PLCB4: variants seen among roughly 807,000 people sequenced by gnomAD.
PLCB4 encodes the protein phospholipase C beta 4.
A neutral mutation model predicts 178.8 loss-of-function variants in PLCB4; 77 were observed. The ratio of observed to expected loss-of-function variants is 0.43; its 90% CI spans 0.36 to 0.52. The LOEUF (loss-of-function observed/expected upper bound fraction) is 0.52. Ranked by LOEUF, PLCB4 falls within the 20% of genes least tolerant of loss-of-function variation. PLCB4 has a pLI of 0.00. For synonymous variants in PLCB4, 496 were observed against 490.8 expected, an observed-to-expected ratio of 1.01 and a Z score of -0.14; for missense variants, 1,024 against 1,453.4, an observed-to-expected ratio of 0.70 and a Z score of 4.80.
At position 9,086,376 on chromosome 20, in the gene PLCB4, G is replaced by A. The variant is rs77311924; in HGVS notation, c.-134-9911G>A. ...GGACTCTCCTTTGGGAGGAAGTTTAGCAAAATGGTTGTGAGCGTGTATGAT... is the reference window on the plus strand; with the variant it reads ...GGACTCTCCTTTGGGAGGAAGTTTAACAAAATGGTTGTGAGCGTGTATGAT... On this transcript the variant is annotated intron_variant, in intron 1 of 39. Coordinates refer to ENST00000378473, the MANE Select transcript of PLCB4 (RefSeq NM_001377142.1). Among the ~76,000 whole-genome samples, 427 of 152,172 alleles carry A rather than the reference G, an allele frequency of 2.8e-3. 1 individual carries two copies. The highest frequency in any genetic ancestry group is 9.2e-3 in the African/African-American group (383 of 41,524).
chr20:9,199,402 T>C (rs1468392782), intron 2 of PLCB4, among the ~76,000 whole-genome samples: 1 of 152,232 alleles, frequency 6.6e-6, no homozygotes, highest in East Asian at 1.9e-4. Context: ...CCATGTTAGA[T>C]AACTTTGAGA....
intron 3 of PLCB4, among the ~76,000 whole-genome samples, chr20:9,275,706 G>T (rs1179233465): frequency 6.6e-6 from 1 of 152,040 alleles, no homozygotes; most frequent in African/African-American, 2.4e-5. Flanking sequence ...ATGGCCCATG[G>T]ACCAGCAGCA....
chr20:9,443,546 C>A (rs887549395), intron 30 of PLCB4, among the ~76,000 whole-genome samples: 1 of 152,144 alleles, frequency 6.6e-6, no homozygotes, highest in African/African-American at 2.4e-5. Context: ...CTGATTGATC[C>A]AGGGTTACAA....
chr20:9,090,834 A>G (rs2090648273), intron 1 of PLCB4, among the ~76,000 whole-genome samples: 1 of 152,228 alleles, frequency 6.6e-6, no homozygotes, highest in South Asian at 2.1e-4. Flanking sequence ...TTTACTGGAT[A>G]AATATTTTCA....
chr20:9,450,475 A>C (rs1236095014), intron 32 of PLCB4, among the ~76,000 whole-genome samples: 1 of 152,158 alleles, frequency 6.6e-6, no homozygotes, highest in South Asian at 2.1e-4. Context: ...TAAAAAGAGA[A>C]ACAGAGACAA....
chr20:9,115,213 A>G (rs1021269498), intron 2 of PLCB4, among the ~76,000 whole-genome samples: 1 of 152,100 alleles, frequency 6.6e-6, no homozygotes, highest in African/African-American at 2.4e-5. Flanking sequence ...TTTTCCATAA[A>G]TCTTACGTTA....
chr20:9,152,944 C>A (rs1397927154), intron 2 of PLCB4, among the ~76,000 whole-genome samples: 1 of 152,146 alleles, frequency 6.6e-6, no homozygotes, highest in Admixed American at 6.5e-5. Context: ...GGGTGTGAGA[C>A]CTGGAGTCAA....
intron 3 of PLCB4, among the ~76,000 whole-genome samples, chr20:9,218,210 A>T (rs879652446): frequency 2.0e-5 from 3 of 152,162 alleles, no homozygotes; most frequent in Admixed American, 6.5e-5. Flanking sequence ...TCCTGGGTTC[A>T]AGCGATTCTC....
intron 7 of PLCB4, among the ~76,000 whole-genome samples, chr20:9,345,432 TG>T (rs1412813452): frequency 6.6e-6 from 1 of 152,198 alleles, no homozygotes; most frequent in Admixed American, 6.5e-5. Context: ...GGAAGGATTT[TG>T]GTGTCTAGCA....
At chr20:9,425,708 T>C (rs1403325192) in intron 28 of PLCB4, among the ~76,000 whole-genome samples, 3 of 152,256 alleles carry the variant, frequency 2.0e-5, no homozygotes, top group Non-Finnish European at 4.4e-5. Flanking sequence ...TTGAAATTTC[T>C]ATGTACCATT....
At chr20:9,389,064 T>A (rs1038276955) in intron 15 of PLCB4, among the ~76,000 whole-genome samples, 2 of 152,152 alleles carry the variant, frequency 1.3e-5, no homozygotes, top group Non-Finnish European at 2.9e-5. Flanking sequence ...ATTTGGGGAT[T>A]TTTACCAAAT....
chr20:9,414,600 A>T (rs761058963), intron 25 of PLCB4, among the ~76,000 whole-genome samples: 12 of 152,188 alleles, frequency 7.9e-5, no homozygotes, highest in Non-Finnish European at 1.6e-4. Context: ...AAGTACACAA[A>T]CACCCCCAGG....
intron 4 of PLCB4, among the ~76,000 whole-genome samples, chr20:9,325,707 A>G (rs2030399303): frequency 6.6e-6 from 1 of 152,224 alleles, no homozygotes; most frequent in African/African-American, 2.4e-5. Context: ...TAGTGACCAT[A>G]AAGTCAATCG....
chr20:9,473,254 ATTTT>A (rs3037097), intron 37 of PLCB4, 21 bp from the exon 38 acceptor site: 5,551 of 1,187,680 alleles, frequency 4.7e-3, no homozygotes, highest in East Asian at 9.2e-3. Flanking sequence ...TTCAATCAGA[ATTTT>A]TTTTTTTTTT....
chr20:9,088,929 A>G (rs1288067487), intron 1 of PLCB4, among the ~76,000 whole-genome samples: 1 of 152,072 alleles, frequency 6.6e-6, no homozygotes, highest in African/African-American at 2.4e-5. Context: ...TATGTATTTT[A>G]TAGACTAATA....
At chr20:9,229,401 T>G (rs1022534461) in intron 3 of PLCB4, among the ~76,000 whole-genome samples, 7 of 151,990 alleles carry the variant, frequency 4.6e-5, no homozygotes, top group Admixed American at 4.6e-4. Context: ...AAAGGAAGGA[T>G]TTTAGGATGC....
chr20:9,147,834 T>C (rs920636027), intron 2 of PLCB4, among the ~76,000 whole-genome samples: 3 of 152,120 alleles, frequency 2.0e-5, no homozygotes, highest in Non-Finnish European at 4.4e-5. Context: ...CAAAGTTACG[T>C]AGCCGAGACT....
chr20:9,161,336 T>C (rs111990344), intron 2 of PLCB4, among the ~76,000 whole-genome samples: 176 of 152,364 alleles, frequency 1.2e-3, no homozygotes, highest in African/African-American at 3.9e-3. Flanking sequence ...TGGTTTTTAC[T>C]AATTTTAAAG....
At chr20:9,396,063 T>C (rs2038559489) in intron 19 of PLCB4, among the ~76,000 whole-genome samples, 2 of 152,242 alleles carry the variant, frequency 1.3e-5, no homozygotes, top group Admixed American at 1.3e-4. Flanking sequence ...AGTAATATTT[T>C]GGTATTCTTG....
Sources: allele counts gnomAD v4.1 joint callset (sites outside exome capture counted in the v4.1 genomes callset), GRCh38; gene constraint gnomAD v4.1.1; transcripts MANE v1.5; gene names NCBI Gene and HGNC (gene_info 2026-07-23, HGNC 2026-07-21).